KLF8: variants seen among roughly 807,000 people sequenced by gnomAD.
KLF8 encodes Krueppel-like factor 8.
KLF8 carries 10 observed loss-of-function variants against 18.2 expected under a neutral mutation model. The ratio of observed to expected loss-of-function variants is 0.55; its 90% CI spans 0.34 to 0.93. KLF8 has a LOEUF of 0.93. Among genes scored for constraint, KLF8 ranks in the 40% least tolerant of loss-of-function variants. The pLI is 0.02. For missense variants in KLF8, 264 were observed against 277.9 expected (o/e 0.95, Z 0.36); for synonymous variants, 109 against 97.3 (o/e 1.12, Z -0.71).
the KLF8 span, among the ~76,000 whole-genome samples, chrX:56,028,923 G>T: frequency 1.8e-5 from 2 of 111,206 alleles, no homozygotes; most frequent in Admixed American, 9.5e-5. Context: ...AGTCCTGTAC[G>T]GGCCGATAGT....
chrX:56,090,397 A>G, the KLF8 span, among the ~76,000 whole-genome samples: 2 of 112,210 alleles, frequency 1.8e-5, no homozygotes, highest in Non-Finnish European at 3.8e-5. Flanking sequence ...CCAAGGTAAA[A>G]GACAAAACAT....
chrX:56,222,663 C>T, the KLF8 span, among the ~76,000 whole-genome samples: 1 of 112,617 alleles, frequency 8.9e-6, no homozygotes, highest in African/African-American at 3.2e-5. Flanking sequence ...GGGCGGCGCT[C>T]GTTGGGGAGG....
At chrX:56,122,324 T>G in the KLF8 span, among the ~76,000 whole-genome samples, 2 of 112,211 alleles carry the variant, frequency 1.8e-5, no homozygotes, top group South Asian at 7.4e-4. Flanking sequence ...ACTTATCAGC[T>G]GAGTATCTTT....
At chrX:56,165,293 A>G in the KLF8 span, among the ~76,000 whole-genome samples, 1 of 112,110 alleles carries the variant, frequency 8.9e-6, no homozygotes, top group Admixed American at 9.5e-5. Flanking sequence ...TTCGAAGCCA[A>G]CCAGGGGTGG....
the KLF8 span, among the ~76,000 whole-genome samples, chrX:56,041,730 A>AC: frequency 9.2e-6 from 1 of 109,225 alleles, no homozygotes; most frequent in African/African-American, 3.4e-5. Context: ...TCACTCTGTT[A>AC]CCAGGCTGGA....
the KLF8 span, among the ~76,000 whole-genome samples, chrX:56,138,474 C>A: frequency 9.0e-6 from 1 of 111,655 alleles, no homozygotes; most frequent in East Asian, 2.8e-4. Context: ...CCACCATAAT[C>A]AAGTAGGCCT....
intron 1 of KLF8, among the ~76,000 whole-genome samples, chrX:56,247,168 T>G (rs2066632584): frequency 8.9e-6 from 1 of 112,147 alleles, no homozygotes; most frequent in Non-Finnish European, 1.9e-5. Context: ...GTATAGCTTA[T>G]TGCTCCTAGG....
the KLF8 span, among the ~76,000 whole-genome samples, chrX:56,059,477 T>C: frequency 8.9e-6 from 1 of 112,415 alleles, no homozygotes; most frequent in Non-Finnish European, 1.9e-5. Context: ...AGGGTTTTTG[T>C]TTCTTTTAGG....
chrX:56,282,527 A>C (rs1428518894), intron 5 of KLF8, among the ~76,000 whole-genome samples: 1 of 112,113 alleles, frequency 8.9e-6, no homozygotes, highest in Non-Finnish European at 1.9e-5. Context: ...CATTATGTGA[A>C]CACTATACAG....
chrX:55,991,345 C>T, the KLF8 span, among the ~76,000 whole-genome samples: 36 of 112,262 alleles, frequency 3.2e-4, no homozygotes, highest in African/African-American at 8.7e-4. Flanking sequence ...TTTGCTAAGA[C>T]GATTGGAAGG....
the KLF8 span, among the ~76,000 whole-genome samples, chrX:56,187,997 C>G: frequency 1.8e-5 from 2 of 111,459 alleles, no homozygotes; most frequent in African/African-American, 6.5e-5. Context: ...CACTCCTATT[C>G]AACATAGTGT....
the KLF8 span, among the ~76,000 whole-genome samples, chrX:56,133,312 C>G: frequency 1.4e-4 from 16 of 112,068 alleles, no homozygotes; most frequent in African/African-American, 5.2e-4. Context: ...AAGAGATAAT[C>G]CGTCATGATT....
At chrX:56,067,356 T>G in the KLF8 span, among the ~76,000 whole-genome samples, 1 of 109,306 alleles carries the variant, frequency 9.1e-6, no homozygotes, top group Non-Finnish European at 1.9e-5. Flanking sequence ...TTATTTTTCA[T>G]TTGAATAGTG....
At chrX:56,284,142 C>T (rs2067240482) in intron 5 of KLF8, among the ~76,000 whole-genome samples, 171 bp from the exon 6 acceptor site, 1 of 112,803 alleles carries the variant, frequency 8.9e-6, no homozygotes, top group Non-Finnish European at 1.9e-5. Context: ...TACATTTATA[C>T]AGTGCTTCTC....
chrX:56,255,587 A>G (rs990895196), intron 2 of KLF8, among the ~76,000 whole-genome samples: 2 of 111,949 alleles, frequency 1.8e-5, no homozygotes, highest in Admixed American at 1.9e-4. Flanking sequence ...TGTTACTTGT[A>G]TCCCCAGTTT....
the KLF8 span, among the ~76,000 whole-genome samples, chrX:56,029,601 C>T: frequency 8.9e-6 from 1 of 112,003 alleles, no homozygotes; most frequent in African/African-American, 3.2e-5. Context: ...CATTTGAGCT[C>T]GATCCCCTTC....
At chrX:56,044,430 T>A in the KLF8 span, among the ~76,000 whole-genome samples, 1 of 112,480 alleles carries the variant, frequency 8.9e-6, no homozygotes, top group East Asian at 2.8e-4. Flanking sequence ...ACTACAGAGA[T>A]GTCAGCTTAT....
chrX:56,186,980 G>A, the KLF8 span, among the ~76,000 whole-genome samples: 1 of 111,223 alleles, frequency 9.0e-6, no homozygotes, highest in African/African-American at 3.3e-5. Context: ...AGAAGCAACA[G>A]CAAACACATT....
the KLF8 span, among the ~76,000 whole-genome samples, chrX:56,191,926 T>C: frequency 8.1e-5 from 9 of 111,440 alleles, no homozygotes; most frequent in Non-Finnish European, 1.1e-4. Flanking sequence ...ACAATAAGGA[T>C]GCCCATTGTC....
Sources: allele counts gnomAD v4.1 joint callset (sites outside exome capture counted in the v4.1 genomes callset), GRCh38; gene constraint gnomAD v4.1.1; transcripts MANE v1.5; gene names NCBI Gene and HGNC (gene_info 2026-07-23, HGNC 2026-07-21).